GBE1: variants seen among roughly 807,000 people sequenced by gnomAD.
The protein encoded by GBE1 is 1,4-alpha-glucan-branching enzyme.
GBE1 carries 70 observed loss-of-function variants against 88.8 expected under a neutral mutation model. The observed-to-expected ratio is 0.79, with a 90% CI of 0.65 to 0.96. The LOEUF is 0.96. Ranked by LOEUF, GBE1 falls within the 40% of genes least tolerant of loss-of-function variation. The probability of loss-of-function intolerance (pLI) is 0.00; values close to 1 mark genes in which losing one functional copy is unlikely to be tolerated. For missense variants in GBE1, 872 were observed against 871.0 expected, an observed-to-expected ratio of 1.00 and a Z score of -0.01; for synonymous variants, 284 against 300.1, an observed-to-expected ratio of 0.95 and a Z score of 0.56.
intron 2 of GBE1, among the ~76,000 whole-genome samples, chr3:81,677,391 T>G (rs902293755): frequency 2.0e-5 from 3 of 152,266 alleles, no homozygotes; most frequent in Middle Eastern, 3.4e-3. Context: ...TATCCTCGGG[T>G]CAAAACAGTT....
At position 81,538,511 on chromosome 3, in the gene GBE1, C is replaced by T. The variant is rs548996899; in HGVS notation, c.1619-1416G>A. On this transcript the variant is annotated intron_variant, in intron 12 of 15. Transcript: ENST00000429644. Reference sequence around the variant, plus strand: ...TCCACAGTGTGTCATAGCAGAGAGCCGACTTTATGAGGCTATATTAGGATG... The same window carrying T: ...TCCACAGTGTGTCATAGCAGAGAGCTGACTTTATGAGGCTATATTAGGATG... Among the ~76,000 whole-genome samples the T allele has an allele frequency of 9.2e-5, 14 of 151,954 alleles. No homozygotes were observed. The South Asian group carries it at 2.5e-3, about 27-fold the overall frequency.
At chr3:81,617,342 C>A (rs9309875) in intron 7 of GBE1, among the ~76,000 whole-genome samples, 95,226 of 151,728 alleles carry the variant, frequency 0.63, 31,130 homozygotes, top group East Asian at 0.92. Context: ...TAGACGTTAG[C>A]CACTAAGTAT....
chr3:81,574,589 A>T (rs987523505), intron 12 of GBE1, among the ~76,000 whole-genome samples: 17 of 152,162 alleles, frequency 1.1e-4, no homozygotes, highest in Non-Finnish European at 1.8e-4. Context: ...TAATCTAGAT[A>T]CTGATCTCAG....
chr3:81,741,210 T>C (rs1335028377), intron 1 of GBE1, among the ~76,000 whole-genome samples: 1 of 152,180 alleles, frequency 6.6e-6, no homozygotes. Flanking sequence ...ATCATTGTAT[T>C]TTCAGCCAGA....
At chr3:81,702,845 A>C (rs1465905599) in intron 2 of GBE1, among the ~76,000 whole-genome samples, 1 of 152,044 alleles carries the variant, frequency 6.6e-6, no homozygotes, top group Non-Finnish European at 1.5e-5. Flanking sequence ...AAGAACATAA[A>C]ATTTTTAAAT....
intron 7 of GBE1, among the ~76,000 whole-genome samples, chr3:81,623,250 C>A (rs1365687675): frequency 3.9e-5 from 6 of 152,196 alleles, no homozygotes; most frequent in Non-Finnish European, 8.8e-5. Flanking sequence ...CCTTTAAACA[C>A]ACCAACCCCA....
intron 2 of GBE1, among the ~76,000 whole-genome samples, chr3:81,691,433 C>T (rs1705519019): frequency 6.6e-6 from 1 of 152,112 alleles, no homozygotes; most frequent in African/African-American, 2.4e-5. Context: ...ATACTTTGTG[C>T]TAGTCAGCAT....
intron 7 of GBE1, among the ~76,000 whole-genome samples, chr3:81,600,921 CGTGT>C (rs1027758506): frequency 6.6e-6 from 1 of 151,696 alleles, no homozygotes; most frequent in Non-Finnish European, 1.5e-5. Flanking sequence ...CACATGCATG[CGTGT>C]GTGTGTGTTC....
intron 12 of GBE1, among the ~76,000 whole-genome samples, chr3:81,538,523 G>A (rs537858182): frequency 4.6e-5 from 7 of 152,008 alleles, no homozygotes; most frequent in African/African-American, 1.7e-4. Context: ...ACTTTATGAG[G>A]CTATATTAGG....
In GBE1 at chr3:81,694,211, C is replaced by G. The variant is rs1055062880; in HGVS notation, c.313+11233G>C. On this transcript the variant is annotated intron_variant, in intron 2 of 15. Transcript: ENST00000429644. Reference sequence around the variant, plus strand: ...GAGAAAAGGAGTGGGAGGTAGAGAACGAAGAAACTGAAAGAGAGAAGGAAA... The same window carrying G: ...GAGAAAAGGAGTGGGAGGTAGAGAAGGAAGAAACTGAAAGAGAGAAGGAAA... Among the ~76,000 whole-genome samples, 5 of 144,092 alleles carry G rather than the reference C, an allele frequency of 3.5e-5. No individual in the cohort carries two copies. The South Asian group carries it at 6.6e-4, about 19-fold the overall frequency. 94.5% of individuals were successfully genotyped at this position (144,092 alleles called of 152,430 possible).
chr3:81,663,996 A>T (rs1705071712), intron 3 of GBE1, among the ~76,000 whole-genome samples: 2 of 152,168 alleles, frequency 1.3e-5, no homozygotes, highest in Non-Finnish European at 2.9e-5. Flanking sequence ...AGAAATAATC[A>T]TAAAAAGGGG....
chr3:81,668,291 T>C (rs897459070), intron 3 of GBE1, among the ~76,000 whole-genome samples: 5 of 152,070 alleles, frequency 3.3e-5, no homozygotes, highest in Admixed American at 6.5e-5. Context: ...CGTATATCTA[T>C]GTAACAAACC....
chr3:81,508,548 A>T lies in GBE1; in HGVS notation c.1935-9321T>A, dbSNP rs193062244. 4.0e-3 allele frequency among the ~76,000 whole-genome samples: 606 copies of T among 152,106 alleles called. 2 individuals carry two copies. The highest frequency in any genetic ancestry group is 0.013 in the African/African-American group (542 of 41,502). The stretch of plus-strand genomic sequence containing the variant: ...ACCCTGCAGACTCAACACTTTTTTT[A>T]AAAAAAATTGTGCTTTTAAACTCAA... On this transcript the variant is annotated intron_variant, in intron 14 of 15. Coordinates refer to ENST00000429644, the MANE Select transcript of GBE1 (RefSeq NM_000158.4).
chr3:81,732,513 A>G (rs1328516447), intron 1 of GBE1, among the ~76,000 whole-genome samples: 2 of 152,126 alleles, frequency 1.3e-5, no homozygotes, highest in Non-Finnish European at 2.9e-5. Context: ...CCTATTGTTC[A>G]TTCCAAAAAC....
At chr3:81,579,320 A>G (rs926849514) in intron 11 of GBE1, among the ~76,000 whole-genome samples, 1 of 152,116 alleles carries the variant, frequency 6.6e-6, no homozygotes, top group African/African-American at 2.4e-5. Context: ...GAATCAAAGT[A>G]CATTTGCTTT....
intron 7 of GBE1, chr3:81,613,044 GA>G: frequency 1.5e-6 from 1 of 666,248 alleles, no homozygotes; most frequent in Admixed American, 2.8e-5. Flanking sequence ...TGATGAAGGG[GA>G]GGAAAGAGAG....
chr3:81,648,979 T>C lies in GBE1; in HGVS notation c.568A>G (p.Arg190Gly), dbSNP rs2229519. The stretch of plus-strand genomic sequence containing the variant: ...CTTAGACTCCGTGGCTTCTTTGGTC[T>C]GGAATGCTTAAACTACAGAATATAA... ...PEHSYEFKHS[R>G]PKKPRSLRIY... is the part of the protein sequence containing the mutation. The change falls in exon 5 of 16, where the codon AGA becomes GGA. Residue 190 changes from arginine to glycine, a missense_variant. By Grantham distance (125) the Arg-to-Gly change is moderately radical. Transcript: ENST00000429644. 0.31 allele frequency: 479,815 copies of C among 1,571,242 alleles called. 75,472 individuals carry two copies. The highest frequency in any genetic ancestry group is 0.43 in the East Asian group (19,054 of 43,958).
At chr3:81,731,271 A>C (rs1437019974) in intron 1 of GBE1, among the ~76,000 whole-genome samples, 1 of 152,040 alleles carries the variant, frequency 6.6e-6, no homozygotes, top group Non-Finnish European at 1.5e-5. Flanking sequence ...CCCTCCCTGC[A>C]ATTGAGTTGA....
chr3:81,740,009 G>A (rs573930423), intron 1 of GBE1, among the ~76,000 whole-genome samples: 18 of 152,128 alleles, frequency 1.2e-4, no homozygotes, highest in African/African-American at 3.9e-4. Context: ...AGAATCACCT[G>A]AGCCCAGGAG....
Sources: allele counts gnomAD v4.1 joint callset (sites outside exome capture counted in the v4.1 genomes callset), GRCh38; gene constraint gnomAD v4.1.1; transcripts MANE v1.5; gene names NCBI Gene and HGNC (gene_info 2026-07-23, HGNC 2026-07-21).